Variants in AZIN2 observed in about 807,000 individuals in gnomAD.
AZIN2 encodes the protein ODC antizyme inhibitor-2.
A neutral mutation model predicts 47.8 loss-of-function variants in AZIN2; 28 were observed. The ratio of observed to expected loss-of-function variants is 0.59; its 90% CI spans 0.43 to 0.80. The LOEUF (loss-of-function observed/expected upper bound fraction) is 0.80, where lower values mean the gene tolerates loss of function less well. AZIN2 is among the 30% of genes least tolerant of loss of function. The pLI is 0.00. For missense variants in AZIN2, 535 were observed against 582.5 expected, an observed-to-expected ratio of 0.92 and a Z score of 0.84; for synonymous variants, 221 against 239.4, an observed-to-expected ratio of 0.92 and a Z score of 0.71.
intron 5 of AZIN2, among the ~76,000 whole-genome samples, chr1:33,085,905 T>C (rs1641837589): frequency 6.6e-6 from 1 of 152,210 alleles, no homozygotes; most frequent in Non-Finnish European, 1.5e-5. Context: ...TTCCCACTTC[T>C]TCCTGCGGTG....
the AZIN2 span, among the ~76,000 whole-genome samples, chr1:33,140,449 G>C: frequency 6.6e-6 from 1 of 152,238 alleles, no homozygotes; most frequent in Non-Finnish European, 1.5e-5. The surrounding 1 kb of genome is among the most constrained non-coding windows in gnomAD (Gnocchi z 4.0). Context: ...CTTGGTCAGG[G>C]AGGGCCTTTG....
intron 10 of AZIN2, among the ~76,000 whole-genome samples, chr1:33,101,669 A>T (rs773243332): frequency 2.0e-5 from 3 of 151,664 alleles, no homozygotes; most frequent in Non-Finnish European, 4.4e-5. Context: ...CACTATCTTG[A>T]CTCATGCATT....
At chr1:33,097,187 T>A (rs978934929) in intron 9 of AZIN2, among the ~76,000 whole-genome samples, 5 of 152,318 alleles carry the variant, frequency 3.3e-5, no homozygotes, top group African/African-American at 1.2e-4. Flanking sequence ...GCTTAATAGC[T>A]AGTAAGAGCC....
chr1:33,140,950 T>C, the AZIN2 span, among the ~76,000 whole-genome samples: 1 of 152,150 alleles, frequency 6.6e-6, no homozygotes, highest in Non-Finnish European at 1.5e-5. This position sits in a 1 kb window ranked among gnomAD's most constrained non-coding sequence, Gnocchi z 4.0. Flanking sequence ...GAGACTGAAG[T>C]TTGCATGAAA....
chr1:33,139,725 G>A, the AZIN2 span, among the ~76,000 whole-genome samples: 5 of 152,302 alleles, frequency 3.3e-5, no homozygotes, highest in Admixed American at 6.5e-5. Context: ...GCTGTGGTGC[G>A]TGGCCATTAG....
At chr1:33,094,331 G>A (rs560602017) in intron 7 of AZIN2, among the ~76,000 whole-genome samples, 10 of 152,348 alleles carry the variant, frequency 6.6e-5, no homozygotes, top group African/African-American at 2.4e-4. Context: ...GATGGGAGGA[G>A]CACCAAGTGC....
At chr1:33,134,136 C>T in the AZIN2 span, among the ~76,000 whole-genome samples, 27,812 of 152,222 alleles carry the variant, frequency 0.18, 3,035 homozygotes, top group South Asian at 0.29. Flanking sequence ...GAACACTTAC[C>T]GTGGGCCAGG....
chr1:33,088,392 G>C (rs902638365), intron 5 of AZIN2, among the ~76,000 whole-genome samples: 3 of 152,148 alleles, frequency 2.0e-5, no homozygotes, highest in African/African-American at 7.2e-5. Flanking sequence ...AGCTGGCTCT[G>C]TCATCTCCCC....
the AZIN2 span, chr1:33,159,907 G>C: frequency 2.5e-6 from 4 of 1,608,768 alleles, no homozygotes; most frequent in Non-Finnish European, 2.5e-6. This position sits in a 1 kb window ranked among gnomAD's most constrained non-coding sequence, Gnocchi z 4.2. Context: ...CCGCTCGAAG[G>C]CCTCGCCGAT....
At chr1:33,148,809 C>T in the AZIN2 span, among the ~76,000 whole-genome samples, 2 of 152,114 alleles carry the variant, frequency 1.3e-5, no homozygotes, top group Non-Finnish European at 2.9e-5. Context: ...GATTGAAAAC[C>T]ATGAATTCTA....
the AZIN2 span, chr1:33,158,477 T>TGA: frequency 1.2e-6 from 1 of 802,232 alleles, no homozygotes; most frequent in Non-Finnish European, 2.1e-6. Flanking sequence ...TGGTCATGAG[T>TGA]GAGAAGTCTG....
chr1:33,087,745 T>C (rs1386751688), intron 5 of AZIN2, among the ~76,000 whole-genome samples: 1 of 141,348 alleles, frequency 7.1e-6, no homozygotes, highest in Admixed American at 7.4e-5. Flanking sequence ...TGGCAATGCA[T>C]TCTTTAAAAA....
the AZIN2 span, chr1:33,159,994 A>G: frequency 8.2e-6 from 13 of 1,579,574 alleles, 1 homozygote; most frequent in Middle Eastern, 6.7e-4. The surrounding 1 kb of genome is among the most constrained non-coding windows in gnomAD (Gnocchi z 4.2). Flanking sequence ...AGATGGGGTG[A>G]TCTCTGGGTG....
At chr1:33,125,291 T>C (rs1459569615), downstream of AZIN2, among the ~76,000 whole-genome samples, 1 of 152,214 alleles carries the variant, frequency 6.6e-6, no homozygotes, top group African/African-American at 2.4e-5. Context: ...GCTAAGCCTG[T>C]GTAAATTCAA....
chr1:33,166,110 T>C, the AZIN2 span: 1 of 152,374 alleles, frequency 6.6e-6, no homozygotes, highest in Non-Finnish European at 1.5e-5. Context: ...GGATCTAGGT[T>C]GCCTGCTCCT....
At chr1:33,106,844 C>CT (rs1268787300) in intron 10 of AZIN2, among the ~76,000 whole-genome samples, 3 of 152,166 alleles carry the variant, frequency 2.0e-5, no homozygotes, top group African/African-American at 7.2e-5. Flanking sequence ...AGGAGCAAGA[C>CT]TAAGATGCTC....
chr1:33,165,361 G>A, the AZIN2 span: 4 of 1,050,690 alleles, frequency 3.8e-6, no homozygotes, highest in Non-Finnish European at 4.1e-6. This position sits in a 1 kb window ranked among gnomAD's most constrained non-coding sequence, Gnocchi z 4.0. Context: ...CTTGAAGCCA[G>A]GTTTCCACCG....
chr1:33,159,617 C>T, the AZIN2 span: 15 of 1,524,668 alleles, frequency 9.8e-6, no homozygotes, highest in Non-Finnish European at 1.3e-5. This position sits in a 1 kb window ranked among gnomAD's most constrained non-coding sequence, Gnocchi z 4.2. Context: ...CATCTGCCTC[C>T]ACTCCCACTG....
chr1:33,092,092 A>G lies in AZIN2; in HGVS notation c.322A>G (p.Lys108Glu). The G allele has an allele frequency of 6.2e-7, 1 of 1,614,158 alleles. No homozygotes were observed. Among genetic ancestry groups the G allele is most frequent in the African/African-American group, 1.3e-5 (1 of 75,050 alleles). Residue 108 changes from lysine (K) to glutamate (E), a missense_variant, in exon 6 of 12, where the codon AAG becomes GAG. This residue lies in a region of AZIN2 where 409 missense variants were observed against 429.0 expected (regional missense o/e 0.95). Coordinates refer to ENST00000294517, the MANE Select transcript of AZIN2 (RefSeq NM_052998.4). ...CCAGCATATTGGAATCCCTGCCAGTAAGATCATCTGCGCCAACCCCTGTAA... is the reference window on the plus strand; with the variant it reads ...CCAGCATATTGGAATCCCTGCCAGTGAGATCATCTGCGCCAACCCCTGTAA... ...LVQHIGIPAS[K>E]IICANPCKQI... is the part of the protein sequence containing the mutation.
Sources: allele counts gnomAD v4.1 joint callset (sites outside exome capture counted in the v4.1 genomes callset), GRCh38; gene constraint gnomAD v4.1.1; regional missense constraint gnomAD v4.1.1; non-coding constraint Gnocchi (gnomAD v3.1); transcripts MANE v1.5; gene names NCBI Gene and HGNC (gene_info 2026-07-23, HGNC 2026-07-21).